The following VAPB variants were observed in gnomAD, a reference collection of about 807,000 sequenced individuals.
VAPB encodes vesicle-associated membrane protein-associated protein B/C.
A neutral mutation model predicts 25.6 loss-of-function variants in VAPB; 7 were observed. The ratio of observed to expected loss-of-function variants is 0.27; its 90% CI spans 0.16 to 0.51. The LOEUF (loss-of-function observed/expected upper bound fraction) is 0.51. Among genes scored for constraint, VAPB ranks in the 20% least tolerant of loss-of-function variants. The pLI, the probability that VAPB is intolerant of heterozygous loss-of-function variation, is 0.97. For synonymous variants in VAPB, 112 were observed against 109.2 expected, an observed-to-expected ratio of 1.03 and a Z score of -0.16; for missense variants, 266 against 301.3, an observed-to-expected ratio of 0.88 and a Z score of 0.87.
At chr20:58,431,717 T>C (rs1438487222) in intron 2 of VAPB, among the ~76,000 whole-genome samples, 1 of 152,118 alleles carries the variant, frequency 6.6e-6, no homozygotes, top group East Asian at 1.9e-4. Context: ...GCTGGGACTA[T>C]AGGCTACCAT....
chr20:58,399,907 G>T (rs1005051288), intron 1 of VAPB, among the ~76,000 whole-genome samples: 2 of 151,938 alleles, frequency 1.3e-5, no homozygotes, highest in Non-Finnish European at 2.9e-5. Flanking sequence ...AATACCTGTC[G>T]TGCAAACTAT....
Position 58,449,144 on chromosome 20 carries a change from C to T in VAPB, c.*4909C>T, listed in dbSNP as rs746858242. On this transcript the variant is annotated 3_prime_UTR_variant, in exon 6 of 6. Transcript: ENST00000475243. Reference sequence around the variant, plus strand: ...AGCTTGGGAGGCTGTGGGAATGGGTCTGCCCCCAGCTTCACAGACCTCTTC... The same window carrying T: ...AGCTTGGGAGGCTGTGGGAATGGGTTTGCCCCCAGCTTCACAGACCTCTTC... 2.0e-5 allele frequency: 9 copies of T among 453,996 alleles called. No individual in the cohort carries two copies. The highest frequency in any genetic ancestry group is 1.1e-4 in the South Asian group (7 of 64,478). 28.1% of individuals were successfully genotyped at this position (453,996 alleles called of 1,614,324 possible). A position where few individuals can be genotyped will look rare whatever the true frequency, so the allele number is the denominator to read the frequency against.
intron 3 of VAPB, among the ~76,000 whole-genome samples, chr20:58,438,567 C>A (rs1159392368): frequency 1.3e-5 from 2 of 152,246 alleles, no homozygotes; most frequent in Non-Finnish European, 2.9e-5. Flanking sequence ...GCATAAGCCA[C>A]CATGCCCAGC....
At chr20:58,414,276 A>AC (rs1209082635) in intron 1 of VAPB, among the ~76,000 whole-genome samples, 8 of 123,598 alleles carry the variant, frequency 6.5e-5, no homozygotes, top group East Asian at 2.5e-4. Context: ...CGTGGGGCTG[A>AC]CCCCCCCACC....
In VAPB at chr20:58,445,615, T is replaced by A; in HGVS notation, c.*1380T>A. 1 of 454,468 alleles carries A rather than the reference T, an allele frequency of 2.2e-6. No individual in the cohort carries two copies. The highest frequency in any genetic ancestry group is 1.6e-5 in the South Asian group (1 of 64,430). 28.2% of individuals were successfully genotyped at this position (454,468 alleles called of 1,614,324 possible). A position where few individuals can be genotyped will look rare whatever the true frequency, so the allele number is the denominator to read the frequency against. ...AATTATTATTTTATCATTTTTATTA[T>A]TTTGCCATTGGAAGGTTAACTTTAA... is the stretch of plus-strand genomic sequence containing the variant. On this transcript the variant is annotated 3_prime_UTR_variant, in exon 6 of 6. Transcript: ENST00000475243.
Position 58,389,259 on chromosome 20 carries a change from C to T in VAPB, c.-201C>T, listed in dbSNP as rs538204254. On this transcript the variant is annotated 5_prime_UTR_variant, in exon 1 of 6. Transcript: ENST00000475243. The stretch of plus-strand genomic sequence containing the variant: ...CCGTCAGCTCGCCGGGCACCGCGGC[C>T]TCGCCCTCGCCCTCCGCCCCTGCGC... 3.0e-6 allele frequency: 2 copies of T among 674,362 alleles called. No individual in the cohort carries two copies. The highest frequency in any genetic ancestry group is 2.1e-5 in the Admixed American group (1 of 47,786). The allele number at this position is 674,362 out of a possible 1,614,324, so 41.8% of individuals were successfully genotyped here. A position where few individuals can be genotyped will look rare whatever the true frequency, so the allele number is the denominator to read the frequency against.
chr20:58,421,571 A>G (rs1349023068), intron 2 of VAPB, among the ~76,000 whole-genome samples: 1 of 152,090 alleles, frequency 6.6e-6, no homozygotes, highest in Non-Finnish European at 1.5e-5. Context: ...CCACCACCCA[A>G]AGTGTCACTA....
In VAPB at chr20:58,449,091, C is replaced by G. The variant is rs1422396357; in HGVS notation, c.*4856C>G. ...GCAAAGAGGGCAAGTAATAGAAGCC[C>G]CTGATAAGGAGCGTCAGCCGACAGG... is the stretch of plus-strand genomic sequence containing the variant. On this transcript the variant is annotated 3_prime_UTR_variant, in exon 6 of 6. Transcript: ENST00000475243. 11 of 453,960 alleles carry G rather than the reference C, an allele frequency of 2.4e-5. No individual in the cohort carries two copies. Among genetic ancestry groups the G allele is most frequent in the African/African-American group, 4.0e-5 (2 of 50,006 alleles). The allele number at this position is 453,960 out of a possible 1,614,324, so 28.1% of individuals were successfully genotyped here. A position where few individuals can be genotyped will look rare whatever the true frequency, so the allele number is the denominator to read the frequency against.
intron 1 of VAPB, among the ~76,000 whole-genome samples, chr20:58,390,772 C>G (rs1488921574): frequency 6.6e-6 from 1 of 152,150 alleles, no homozygotes; most frequent in Non-Finnish European, 1.5e-5. Context: ...TGTAGGGTAA[C>G]TTACCCAAAG....
chr20:58,425,526 A>T (rs1479327641), intron 2 of VAPB, among the ~76,000 whole-genome samples: 1 of 152,266 alleles, frequency 6.6e-6, no homozygotes, highest in Non-Finnish European at 1.5e-5. Flanking sequence ...TCTCAGTCTC[A>T]TTGGGGAGAA....
At position 58,447,540 on chromosome 20, in the gene VAPB, C is replaced by G. The variant is rs747662615; in HGVS notation, c.*3305C>G. 4.4e-5 allele frequency: 20 copies of G among 453,980 alleles called. No homozygotes were observed. The highest frequency in any genetic ancestry group is 7.1e-5 in the Non-Finnish European group (16 of 226,804). The allele number at this position is 453,980 out of a possible 1,614,324, so 28.1% of individuals were successfully genotyped here. Reference sequence around the variant, plus strand: ...CAAACAAATCCCAGGAACAGAATTGCTATCGAAAGATATCATTGCCCAGTT... The same window carrying G: ...CAAACAAATCCCAGGAACAGAATTGGTATCGAAAGATATCATTGCCCAGTT... On this transcript the variant is annotated 3_prime_UTR_variant, in exon 6 of 6. Transcript: ENST00000475243.
rs1989246426 is a variant in VAPB, at chr20:58,444,872, A to C, written c.*637A>C. 3 of 454,462 alleles carry C rather than the reference A, an allele frequency of 6.6e-6. No homozygotes were observed. Among genetic ancestry groups the C allele is most frequent in the South Asian group, 4.7e-5 (3 of 64,482 alleles). The allele number at this position is 454,462 out of a possible 1,614,324, so 28.2% of individuals were successfully genotyped here. On this transcript the variant is annotated 3_prime_UTR_variant, in exon 6 of 6. Transcript: ENST00000475243. ...TAAATGGCAGTGCTTTGTTCACTTA[A>C]AGGGACCAAGCTAAATTTGTATTGG...
At chr20:58,401,914 C>G (rs1440720112) in intron 1 of VAPB, among the ~76,000 whole-genome samples, 1 of 152,184 alleles carries the variant, frequency 6.6e-6, no homozygotes, top group African/African-American at 2.4e-5. Flanking sequence ...TTGACCAACT[C>G]AGAGAGTCTA....
intron 1 of VAPB, among the ~76,000 whole-genome samples, chr20:58,415,978 A>T (rs1324340835): frequency 5.9e-5 from 9 of 152,184 alleles, no homozygotes; most frequent in Non-Finnish European, 8.8e-5. Flanking sequence ...TGTTCTTACA[A>T]ATATCTTGAT....
At chr20:58,437,141 T>A (rs1403176199) in intron 3 of VAPB, among the ~76,000 whole-genome samples, 1 of 151,796 alleles carries the variant, frequency 6.6e-6, no homozygotes, top group Non-Finnish European at 1.5e-5. Flanking sequence ...ATTTTTTTAT[T>A]TTTTTATAGA....
At chr20:58,412,055 G>A (rs1360510124) in intron 1 of VAPB, among the ~76,000 whole-genome samples, 1 of 152,150 alleles carries the variant, frequency 6.6e-6, no homozygotes, top group Non-Finnish European at 1.5e-5. Flanking sequence ...TATGTTTTTA[G>A]CAAATATTTT....
At chr20:58,438,569 A>G (rs1378089666) in intron 3 of VAPB, among the ~76,000 whole-genome samples, 4 of 152,244 alleles carry the variant, frequency 2.6e-5, no homozygotes, top group Non-Finnish European at 5.9e-5. Flanking sequence ...ATAAGCCACC[A>G]TGCCCAGCTG....
At chr20:58,397,042 A>G (rs904594092) in intron 1 of VAPB, among the ~76,000 whole-genome samples, 1 of 152,246 alleles carries the variant, frequency 6.6e-6, no homozygotes. Context: ...TGAAGTATTA[A>G]TAGCTGTCAG....
chr20:58,402,417 G>A (rs1013179922), intron 1 of VAPB, among the ~76,000 whole-genome samples: 1 of 152,148 alleles, frequency 6.6e-6, no homozygotes, highest in African/African-American at 2.4e-5. Context: ...GCTCAGCACA[G>A]GCTTCACTTC....
Sources: gnomAD v4.1 joint callset for allele counts (sites outside exome capture counted in the v4.1 genomes callset) on GRCh38, gnomAD v4.1.1 for gene constraint, MANE v1.5 for transcripts, NCBI Gene and HGNC (gene_info 2026-07-23, HGNC 2026-07-21) for gene names.